Variants in EXOC2 observed in about 807,000 individuals in gnomAD.
EXOC2 encodes exocyst complex component 2.
In EXOC2, 70 loss-of-function variants were observed where a neutral mutation model predicts 131.8. The ratio of observed to expected loss-of-function variants is 0.53; its 90% CI spans 0.44 to 0.65. The LOEUF is 0.65. Ranked by LOEUF, EXOC2 falls within the 30% of genes least tolerant of loss-of-function variation. The probability of loss-of-function intolerance (pLI) is 0.00; values close to 1 mark genes in which losing one functional copy is unlikely to be tolerated. For synonymous variants in EXOC2, 411 were observed against 398.4 expected (o/e 1.03, Z -0.38); for missense variants, 923 against 1,108.6 (o/e 0.83, Z 2.38).
At chr6:595,382 C>A (rs1250679591) in intron 10 of EXOC2, among the ~76,000 whole-genome samples, 1 of 151,928 alleles carries the variant, frequency 6.6e-6, no homozygotes, top group Non-Finnish European at 1.5e-5. Flanking sequence ...TATTTCTTAG[C>A]GACTAAAAAT....
At chr6:643,443 C>T (rs988686423) in intron 1 of EXOC2, among the ~76,000 whole-genome samples, 1 of 152,070 alleles carries the variant, frequency 6.6e-6, no homozygotes, top group African/African-American at 2.4e-5. Context: ...GAAATTAATA[C>T]ACTTCTAAAT....
At chr6:491,227 A>G in intron 25 of EXOC2, 41 bp from the exon 26 acceptor site, 4 of 1,598,478 alleles carry the variant, frequency 2.5e-6, no homozygotes, top group Non-Finnish European at 3.4e-6. Flanking sequence ...AGGAAAATTT[A>G]TATTATCAAA....
intron 23 of EXOC2, among the ~76,000 whole-genome samples, chr6:514,055 T>C (rs1209219953): frequency 6.6e-6 from 1 of 152,236 alleles, no homozygotes; most frequent in Non-Finnish European, 1.5e-5. Flanking sequence ...AAGTCCCAGT[T>C]TGTCAACCAA....
intron 7 of EXOC2, among the ~76,000 whole-genome samples, chr6:608,554 G>GA (rs1053273452): frequency 2.1e-4 from 32 of 151,172 alleles, no homozygotes; most frequent in East Asian, 1.2e-3. Flanking sequence ...CACTTTTCTG[G>GA]AAAAAAAAAT....
chr6:526,591 C>T (rs1765763179), intron 23 of EXOC2, among the ~76,000 whole-genome samples: 1 of 151,972 alleles, frequency 6.6e-6, no homozygotes, highest in South Asian at 2.1e-4. Context: ...CAGGAATGCA[C>T]CACCGTGCCC....
intron 7 of EXOC2, among the ~76,000 whole-genome samples, chr6:607,074 T>C (rs1461746754): frequency 6.6e-6 from 1 of 152,180 alleles, no homozygotes; most frequent in Non-Finnish European, 1.5e-5. Flanking sequence ...CACCTGTCAT[T>C]TACACAGCGA....
chr6:609,070 C>T (rs1056475291), intron 7 of EXOC2, among the ~76,000 whole-genome samples: 5 of 152,148 alleles, frequency 3.3e-5, no homozygotes, highest in African/African-American at 1.2e-4. Context: ...TGTTAAATTC[C>T]TAAATTTAGA....
intron 13 of EXOC2, among the ~76,000 whole-genome samples, chr6:567,859 T>C (rs1194933955): frequency 1.3e-5 from 2 of 152,090 alleles, no homozygotes; most frequent in African/African-American, 2.4e-5. Flanking sequence ...GACATGAGAG[T>C]GGCCCCGGGA....
At chr6:684,330 G>C (rs1764547630) in intron 1 of EXOC2, among the ~76,000 whole-genome samples, 1 of 152,214 alleles carries the variant, frequency 6.6e-6, no homozygotes, top group African/African-American at 2.4e-5. Flanking sequence ...TCATGGCCTT[G>C]TGTAGTCTTG....
chr6:608,333 C>G (rs963197947), intron 7 of EXOC2, among the ~76,000 whole-genome samples: 1 of 152,110 alleles, frequency 6.6e-6, no homozygotes, highest in African/African-American at 2.4e-5. Context: ...GTCAAGTTGA[C>G]CTGAATTAGG....
At chr6:514,938 C>T (rs528251819) in intron 23 of EXOC2, among the ~76,000 whole-genome samples, 5 of 152,316 alleles carry the variant, frequency 3.3e-5, no homozygotes, top group East Asian at 1.9e-4. Context: ...ACCAGATCGG[C>T]GCATGCAAAC....
chr6:604,464 ACC>A (rs984503507), intron 7 of EXOC2, among the ~76,000 whole-genome samples: 4 of 151,936 alleles, frequency 2.6e-5, no homozygotes, highest in African/African-American at 9.7e-5. Flanking sequence ...CCTCTGGCGT[ACC>A]TCCCTTCTCG....
chr6:521,357 C>T (rs184873659), intron 23 of EXOC2, among the ~76,000 whole-genome samples: 9 of 152,218 alleles, frequency 5.9e-5, no homozygotes, highest in East Asian at 3.9e-4. Context: ...TGTCCACACT[C>T]GGAGACAAAA....
chr6:554,013 T>A, intron 20 of EXOC2, 93 bp from the exon 21 acceptor site: 5 of 971,278 alleles, frequency 5.1e-6, no homozygotes, highest in Non-Finnish European at 8.1e-6. Context: ...TGCAATGAAT[T>A]ATATGGAAAA....
chr6:518,290 A>G (rs1196097355), intron 23 of EXOC2, among the ~76,000 whole-genome samples: 1 of 152,224 alleles, frequency 6.6e-6, no homozygotes, highest in Non-Finnish European at 1.5e-5. Context: ...ATCAGACAAG[A>G]CTGGCTGTGA....
chr6:496,928 C>T (rs1024022041), intron 25 of EXOC2, among the ~76,000 whole-genome samples: 7 of 152,072 alleles, frequency 4.6e-5, no homozygotes, highest in Non-Finnish European at 7.4e-5. Context: ...TATGTGCATG[C>T]CAAAGTCAAC....
chr6:509,798 G>A (rs530156794), intron 23 of EXOC2, among the ~76,000 whole-genome samples: 2 of 152,162 alleles, frequency 1.3e-5, no homozygotes, highest in Admixed American at 6.5e-5. Flanking sequence ...CAAGGTACTC[G>A]GCCTAATGTT....
chr6:645,007 A>G (rs1013284976), intron 1 of EXOC2, among the ~76,000 whole-genome samples: 26 of 152,110 alleles, frequency 1.7e-4, no homozygotes, highest in African/African-American at 6.3e-4. Context: ...GCAAGAGCCA[A>G]ACCAATCTTA....
chr6:599,146 G>A lies in EXOC2; in HGVS notation c.822C>T (p.Leu274=). ...GAAACTTAAATCGCTGAAGCACATTGAGTGCATTTCTAGTGGAATCTGCCT... is the reference window on the plus strand; with the variant it reads ...GAAACTTAAATCGCTGAAGCACATTAAGTGCATTTCTAGTGGAATCTGCCT... ...KDKADSTRNA[L]NVLQRFKFLF... is the part of the protein sequence containing the mutation. The change falls in exon 8 of 28, where the codon CTC becomes CTT. Residue 274 remains leucine (L), a synonymous_variant. Coordinates refer to ENST00000230449, the MANE Select transcript of EXOC2 (RefSeq NM_018303.6). The A allele has an allele frequency of 6.2e-7, 1 of 1,613,230 alleles. No individual in the cohort carries two copies. The highest frequency in any genetic ancestry group is 8.5e-7 in the Non-Finnish European group (1 of 1,179,502).
Sources: allele counts gnomAD v4.1 joint callset (sites outside exome capture counted in the v4.1 genomes callset), GRCh38; gene constraint gnomAD v4.1.1; transcripts MANE v1.5; gene names NCBI Gene and HGNC (gene_info 2026-07-23, HGNC 2026-07-21).